Variants in UVRAG observed in about 807,000 individuals in gnomAD.
UVRAG encodes the protein UV radiation resistance-associated gene protein.
Under a neutral mutation model 78.0 loss-of-function variants are expected in UVRAG, and 19 were observed. The ratio of observed to expected loss-of-function variants is 0.24; its 90% CI spans 0.17 to 0.36. UVRAG has a LOEUF of 0.36. UVRAG is among the 10% of genes least tolerant of loss of function. UVRAG has a pLI of 1.00. For missense variants in UVRAG, 740 were observed against 853.8 expected (o/e 0.87, Z 1.66); for synonymous variants, 323 against 324.6 (o/e 1.00, Z 0.05).
At chr11:75,929,454 T>A (rs1365853261) in intron 6 of UVRAG, among the ~76,000 whole-genome samples, 8 of 151,940 alleles carry the variant, frequency 5.3e-5, no homozygotes, top group Non-Finnish European at 1.2e-4. Flanking sequence ...AAAGGAAGGG[T>A]GCAGTCGCTG....
intron 13 of UVRAG, among the ~76,000 whole-genome samples, chr11:76,107,124 T>C (rs2134453133): frequency 6.6e-6 from 1 of 152,352 alleles, no homozygotes; most frequent in East Asian, 1.9e-4. Flanking sequence ...TTAATAGTGC[T>C]TCTAGTTGCT....
chr11:75,933,890 A>G (rs1445772343), intron 6 of UVRAG, among the ~76,000 whole-genome samples: 2 of 152,218 alleles, frequency 1.3e-5, no homozygotes, highest in African/African-American at 4.8e-5. Context: ...GAACCCTTGT[A>G]CACTGTTAGT....
At chr11:76,126,164 A>G (rs1952387343) in intron 14 of UVRAG, among the ~76,000 whole-genome samples, 1 of 152,002 alleles carries the variant, frequency 6.6e-6, no homozygotes, top group African/African-American at 2.4e-5. Context: ...GATGGTCTCG[A>G]TCTCCTGACC....
chr11:76,099,140 G>T (rs923510086), intron 13 of UVRAG, among the ~76,000 whole-genome samples: 1 of 152,148 alleles, frequency 6.6e-6, no homozygotes, highest in African/African-American at 2.4e-5. Flanking sequence ...ATAAGGAAAT[G>T]TGGATTTCAC....
chr11:75,891,353 G>C (rs565762833), intron 5 of UVRAG, among the ~76,000 whole-genome samples: 24 of 152,206 alleles, frequency 1.6e-4, no homozygotes, highest in Non-Finnish European at 2.6e-4. Context: ...AATATCTCAT[G>C]TACAGGGTTA....
At position 75,829,626 on chromosome 11, in the gene UVRAG, A is replaced by G. The variant is rs151287775; in HGVS notation, c.117+14102A>G. Among the ~76,000 whole-genome samples, 710 of 152,334 alleles carry G rather than the reference A, an allele frequency of 4.7e-3. 4 individuals carry two copies. Among genetic ancestry groups the G allele is most frequent in the African/African-American group, 0.016 (651 of 41,574 alleles). On this transcript the variant is annotated intron_variant, in intron 1 of 14. Coordinates refer to ENST00000356136, the MANE Select transcript of UVRAG (RefSeq NM_003369.4). ...CTAACCTTCTGGTGCATGAGAGACAAGGTGGTTAGCAAGCTTTTCTGTGAA... is the reference window on the plus strand; with the variant it reads ...CTAACCTTCTGGTGCATGAGAGACAGGGTGGTTAGCAAGCTTTTCTGTGAA...
chr11:76,046,896 A>G (rs971200468), intron 12 of UVRAG, among the ~76,000 whole-genome samples: 1 of 150,882 alleles, frequency 6.6e-6, no homozygotes, highest in Admixed American at 6.6e-5. Flanking sequence ...ACTAATAAAC[A>G]TGTAAACTAA....
intron 1 of UVRAG, among the ~76,000 whole-genome samples, chr11:75,825,233 C>T (rs1000752199): frequency 3.3e-5 from 5 of 151,878 alleles, no homozygotes; most frequent in Admixed American, 1.3e-4. Context: ...CTCAGCCTCC[C>T]GAGTAGCCTC....
At chr11:75,979,387 C>T (rs1272822110) in intron 7 of UVRAG, 1 of 152,412 alleles carries the variant, frequency 6.6e-6, no homozygotes, top group Non-Finnish European at 1.5e-5. Context: ...GGGAGAACCA[C>T]TACTCTCTTC....
intron 5 of UVRAG, among the ~76,000 whole-genome samples, chr11:75,909,074 G>A (rs1362971422): frequency 1.3e-5 from 2 of 152,066 alleles, no homozygotes; most frequent in African/African-American, 4.8e-5. Flanking sequence ...TGAGCCAGGT[G>A]CAGTGGCTCA....
At position 76,141,534 on chromosome 11, in the gene UVRAG, A is replaced by G; in HGVS notation, c.*121A>G. 1 of 1,026,416 alleles carries G rather than the reference A, an allele frequency of 9.7e-7. No individual in the cohort carries two copies. Among genetic ancestry groups the G allele is most frequent in the South Asian group, 1.7e-5 (1 of 59,270 alleles). 63.6% of individuals were successfully genotyped at this position (1,026,416 alleles called of 1,614,324 possible). ...AATATTAATGGAGGATATTCCTCGG[A>G]AAAACAGACTTTGGGAATGAAGGAG... is the stretch of plus-strand genomic sequence containing the variant. On this transcript the variant is annotated 3_prime_UTR_variant, in exon 15 of 15. Coordinates refer to ENST00000356136, the MANE Select transcript of UVRAG (RefSeq NM_003369.4).
intron 14 of UVRAG, chr11:76,137,138 A>G: frequency 3.1e-6 from 1 of 325,856 alleles, no homozygotes; most frequent in East Asian, 7.7e-5. Context: ...TGCCCAGGAC[A>G]GCTCCTGGCC....
intron 2 of UVRAG, 90 bp downstream of exon 2, chr11:75,852,090 T>C: frequency 1.1e-6 from 1 of 884,134 alleles, no homozygotes; most frequent in Non-Finnish European, 1.7e-6. Context: ...CCTGCTTTTG[T>C]GGCTTCTCGG....
chr11:75,917,632 C>A lies in UVRAG; in HGVS notation c.593+5593C>A, dbSNP rs190197502. ...ACCATGGATATTTGAACTTTTTTGTCCTTGAGGAACCTCAACCCCAAAGTG... is the reference window on the plus strand; with the variant it reads ...ACCATGGATATTTGAACTTTTTTGTACTTGAGGAACCTCAACCCCAAAGTG... On this transcript the variant is annotated intron_variant, in intron 6 of 14. Transcript: ENST00000356136. Among the ~76,000 whole-genome samples, 696 of 152,238 alleles carry A rather than the reference C, an allele frequency of 4.6e-3. 5 individuals carry two copies. The highest frequency in any genetic ancestry group is 0.016 in the African/African-American group (670 of 41,542).
chr11:76,113,807 C>T (rs1406570548), intron 13 of UVRAG, among the ~76,000 whole-genome samples: 4 of 151,874 alleles, frequency 2.6e-5, no homozygotes, highest in Admixed American at 2.6e-4. Context: ...GAAAGATGGT[C>T]TCCAGGGTCT....
intron 14 of UVRAG, chr11:76,137,317 C>G (rs1456209812): frequency 6.6e-6 from 3 of 455,360 alleles, no homozygotes; most frequent in Non-Finnish European, 1.3e-5. Flanking sequence ...AGGCTTACCT[C>G]CAGACCTGCG....
intron 12 of UVRAG, among the ~76,000 whole-genome samples, chr11:76,052,081 C>T (rs1049035397): frequency 1.3e-5 from 2 of 152,182 alleles, no homozygotes; most frequent in Non-Finnish European, 2.9e-5. Flanking sequence ...CTAACCAGAA[C>T]ATTTCTTCCT....
chr11:76,138,617 C>T (rs1952642101), intron 14 of UVRAG, among the ~76,000 whole-genome samples: 1 of 152,206 alleles, frequency 6.6e-6, no homozygotes, highest in South Asian at 2.1e-4. Context: ...CCACTGGGAG[C>T]CCCACAAAAC....
intron 13 of UVRAG, among the ~76,000 whole-genome samples, chr11:76,094,353 C>T (rs975091280): frequency 6.6e-6 from 1 of 152,174 alleles, no homozygotes; most frequent in Non-Finnish European, 1.5e-5. Flanking sequence ...GCTTTGCTAT[C>T]AGGATGATGT....
Sources: allele counts gnomAD v4.1 joint callset (sites outside exome capture counted in the v4.1 genomes callset), GRCh38; gene constraint gnomAD v4.1.1; transcripts MANE v1.5; gene names NCBI Gene and HGNC (gene_info 2026-07-23, HGNC 2026-07-21).